GABRA1: variants seen among roughly 807,000 people sequenced by gnomAD.
GABRA1 encodes gamma-aminobutyric acid receptor subunit alpha-1.
In GABRA1, 9 loss-of-function variants were observed where a neutral mutation model predicts 48.9. The observed-to-expected ratio is 0.18, with a 90% CI of 0.11 to 0.32. The LOEUF (loss-of-function observed/expected upper bound fraction) is 0.32, where lower values mean the gene tolerates loss of function less well. Ranked by LOEUF, GABRA1 falls within the 10% of genes least tolerant of loss-of-function variation. The pLI, the probability that GABRA1 is intolerant of heterozygous loss-of-function variation, is 1.00. For missense variants in GABRA1, 285 were observed against 553.8 expected (o/e 0.51, Z 4.87); for synonymous variants, 210 against 198.7 (o/e 1.06, Z -0.48).
chr5:161,850,296 A>G (rs982867619), intron 1 of GABRA1: 3 of 243,894 alleles, frequency 1.2e-5, no homozygotes, highest in African/African-American at 2.2e-5. Flanking sequence ...AAATCAAGGT[A>G]CCTGCAGAAT....
At position 161,889,797 on chromosome 5, in the gene GABRA1, T is replaced by C. The variant is rs141251862; in HGVS notation, c.704-1101T>C. ...AGGAATGCTGCTAAACATTCTGCAA[T>C]ATATAGGACAGCCACCTTCAATAAA... On this transcript the variant is annotated intron_variant, in intron 7 of 9. Coordinates refer to ENST00000393943, the MANE Select transcript of GABRA1 (RefSeq NM_001127644.2). Among the ~76,000 whole-genome samples, 685 of 152,074 alleles carry C rather than the reference T, an allele frequency of 4.5e-3. 4 individuals are homozygous for C. The highest frequency in any genetic ancestry group is 0.015 in the African/African-American group (632 of 41,530).
intron 3 of GABRA1, among the ~76,000 whole-genome samples, chr5:161,864,670 A>G (rs1206229952): frequency 6.6e-6 from 1 of 151,938 alleles, no homozygotes; most frequent in Non-Finnish European, 1.5e-5. Context: ...TACTCTTGGG[A>G]AATATATAGT....
intron 3 of GABRA1, among the ~76,000 whole-genome samples, chr5:161,864,971 G>A (rs1170020148): frequency 1.3e-5 from 2 of 151,870 alleles, no homozygotes; most frequent in African/African-American, 2.4e-5. Context: ...TTTTCTGAAA[G>A]CATTGTTTTT....
intron 4 of GABRA1, among the ~76,000 whole-genome samples, chr5:161,866,062 A>G (rs1038276378): frequency 2.6e-5 from 4 of 152,070 alleles, no homozygotes; most frequent in Admixed American, 1.3e-4. Context: ...CTTGGTTAAT[A>G]CCCCACAAGC....
intron 6 of GABRA1, 113 bp downstream of exon 6, chr5:161,875,755 A>G (rs1754321143): frequency 1.3e-6 from 1 of 790,972 alleles, no homozygotes; most frequent in Non-Finnish European, 2.3e-6. Context: ...TTAAACAGCA[A>G]TATACCACAT....
In GABRA1 at chr5:161,899,471, T is replaced by A. The variant is rs1262381940; in HGVS notation, c.*2049T>A. On this transcript the variant is annotated 3_prime_UTR_variant, in exon 10 of 10. Coordinates refer to ENST00000393943, the MANE Select transcript of GABRA1 (RefSeq NM_001127644.2). ...TATACTAATGTGTTTATTGAGAGCATTTTACCTTCCAGACTTCTCATGGCT... is the reference window on the plus strand; with the variant it reads ...TATACTAATGTGTTTATTGAGAGCAATTTACCTTCCAGACTTCTCATGGCT... 1.3e-5 allele frequency: 2 copies of A among 152,188 alleles called. No homozygotes were observed. Among genetic ancestry groups the A allele is most frequent in the East Asian group, 3.8e-4 (2 of 5,198 alleles). The allele number at this position is 152,188 out of a possible 1,614,324, so 9.4% of individuals were successfully genotyped here.
At chr5:161,890,490 T>A (rs10515837) in intron 7 of GABRA1, among the ~76,000 whole-genome samples, 8,365 of 152,116 alleles carry the variant, frequency 0.055, 804 homozygotes, top group African/African-American at 0.19. Flanking sequence ...TCAGTAGGTA[T>A]TGTGGATATG....
intron 4 of GABRA1, chr5:161,872,196 C>T (rs1754149872): frequency 6.6e-6 from 1 of 152,588 alleles, no homozygotes; most frequent in African/African-American, 2.4e-5. Flanking sequence ...TATTTCAAAC[C>T]ATTGAGCTCC....
rs1247418338 is a variant in GABRA1 at position 161,889,651 on chromosome 5, A to G, written c.704-1247A>G. On this transcript the variant is annotated intron_variant, in intron 7 of 9. Coordinates refer to ENST00000393943, the MANE Select transcript of GABRA1 (RefSeq NM_001127644.2). ...ATTCAGTGCATATTAGAACTATGCT[A>G]TGCATACTCTTAAATACAGATTAGG... Among the ~76,000 whole-genome samples the G allele has an allele frequency of 4.6e-5, 7 of 152,208 alleles. No individual in the cohort carries two copies. The South Asian group carries it at 1.2e-3, about 27-fold the overall frequency.
At position 161,897,129 on chromosome 5, in the gene GABRA1, C is replaced by G. The variant is rs771498937; in HGVS notation, c.1078C>G (p.Pro360Ala). Residue 360 changes from proline (P) to alanine (A), a missense_variant, in exon 10 of 10, where the codon CCT (proline) becomes GCT (alanine). Coordinates refer to ENST00000393943, the MANE Select transcript of GABRA1 (RefSeq NM_001127644.2). ...VPEKPKKVKDPLIKKNNTYAP... is the reference protein window; with the variant it reads ...VPEKPKKVKDALIKKNNTYAP... ...TCTACAGCCAAAGAAAGTAAAGGAT[C>G]CTCTTATTAAGAAAAACAACACTTA... The G allele has an allele frequency of 1.2e-5, 20 of 1,613,900 alleles. No individual in the cohort carries two copies. Among genetic ancestry groups the G allele is most frequent in the Non-Finnish European group, 1.6e-5 (19 of 1,179,960 alleles).
intron 2 of GABRA1, 106 bp downstream of exon 2, chr5:161,850,990 C>G: frequency 1.1e-6 from 1 of 928,332 alleles, no homozygotes; most frequent in Non-Finnish European, 1.7e-6. Context: ...TAAGGGAATT[C>G]AGAAAACTTA....
At chr5:161,851,499 T>C (rs1055302498) in intron 2 of GABRA1, among the ~76,000 whole-genome samples, 1 of 152,150 alleles carries the variant, frequency 6.6e-6, no homozygotes, top group Non-Finnish European at 1.5e-5. Context: ...CAAAATATGT[T>C]CTAATGATCC....
At chr5:161,894,922 A>G (rs1384255489) in intron 8 of GABRA1, among the ~76,000 whole-genome samples, 1 of 149,854 alleles carries the variant, frequency 6.7e-6, no homozygotes, top group East Asian at 2.0e-4. Flanking sequence ...AAGAAAAAAG[A>G]TTCTAACATT....
Position 161,899,406 on chromosome 5 carries a change from T to C in GABRA1, c.*1984T>C, listed in dbSNP as rs1015675139. ...TAGAAAATAAAATAAATTATGGCTCTAACTTCTGTGTTGCTGTTTATCTTG... is the reference window on the plus strand; with the variant it reads ...TAGAAAATAAAATAAATTATGGCTCCAACTTCTGTGTTGCTGTTTATCTTG... On this transcript the variant is annotated 3_prime_UTR_variant, in exon 10 of 10. Transcript: ENST00000393943. 17 of 152,496 alleles carry C rather than the reference T, an allele frequency of 1.1e-4. No individual in the cohort carries two copies. The highest frequency in any genetic ancestry group is 8.5e-4 in the Admixed American group (13 of 15,296). The allele number at this position is 152,496 out of a possible 1,614,324, so 9.4% of individuals were successfully genotyped here.
intron 3 of GABRA1, among the ~76,000 whole-genome samples, chr5:161,861,038 T>C (rs537395530): frequency 3.9e-5 from 6 of 151,926 alleles, no homozygotes; most frequent in Non-Finnish European, 7.4e-5. Context: ...GAGAATCTCA[T>C]TTGCTATACG....
rs1755502658 is a variant in GABRA1, at chr5:161,899,091, C to G, written c.*1669C>G. 1 of 152,440 alleles carries G rather than the reference C, an allele frequency of 6.6e-6. No individual in the cohort carries two copies. 9.4% of individuals were successfully genotyped at this position (152,440 alleles called of 1,614,324 possible). A position where few individuals can be genotyped will look rare whatever the true frequency, so the allele number is the denominator to read the frequency against. ...TTAACAGATATTTAAATTTAGTGCT[C>G]AGAATCCACAAGTCACGGTCTAAAC... On this transcript the variant is annotated 3_prime_UTR_variant, in exon 10 of 10. Coordinates refer to ENST00000393943, the MANE Select transcript of GABRA1 (RefSeq NM_001127644.2).
intron 6 of GABRA1, 158 bp from the exon 7 acceptor site, chr5:161,882,400 T>C: frequency 1.5e-6 from 1 of 666,756 alleles, no homozygotes. Context: ...TCAGAAAACG[T>C]GTTTTAGTTT....
intron 4 of GABRA1, among the ~76,000 whole-genome samples, chr5:161,867,866 A>G (rs1344984209): frequency 6.6e-6 from 1 of 152,118 alleles, no homozygotes; most frequent in Non-Finnish European, 1.5e-5. Flanking sequence ...GGCCACATAT[A>G]TAGCACTGCT....
chr5:161,878,338 G>A (rs1290926496), intron 6 of GABRA1, among the ~76,000 whole-genome samples: 1 of 152,114 alleles, frequency 6.6e-6, no homozygotes, highest in Non-Finnish European at 1.5e-5. Context: ...AAGAGGCAGG[G>A]GCAGTCCATT....
Sources: allele counts gnomAD v4.1 joint callset (sites outside exome capture counted in the v4.1 genomes callset), GRCh38; gene constraint gnomAD v4.1.1; transcripts MANE v1.5; gene names NCBI Gene and HGNC (gene_info 2026-07-23, HGNC 2026-07-21).